The following PREPL variants were observed in gnomAD, a reference collection of about 807,000 sequenced individuals.
PREPL encodes prolyl endopeptidase-like.
PREPL carries 77 observed loss-of-function variants against 70.6 expected under a neutral mutation model. The observed-to-expected ratio is 1.09, with a 90% CI of 0.91 to 1.32. PREPL has a LOEUF of 1.32. PREPL is among the 40% of genes most tolerant of loss of function. The pLI, the probability that PREPL is intolerant of heterozygous loss-of-function variation, is 0.00. For synonymous variants in PREPL, 315 were observed against 264.8 expected (o/e 1.19, Z -1.84); for missense variants, 1,002 against 778.2 (o/e 1.29, Z -3.42).
At chr2:44,353,838 C>A (rs530364850) in intron 1 of PREPL, among the ~76,000 whole-genome samples, 4 of 152,102 alleles carry the variant, frequency 2.6e-5, no homozygotes, top group Admixed American at 1.3e-4. Flanking sequence ...GTACCCCAAT[C>A]CCTTGCACTA....
At chr2:44,342,631 A>G in intron 4 of PREPL, 79 bp from the exon 5 acceptor site, 1 of 1,146,474 alleles carries the variant, frequency 8.7e-7, no homozygotes, top group South Asian at 1.5e-5. Context: ...GCACATTCTA[A>G]TTTTGAATGC....
At chr2:44,325,972 G>A (rs150925432) in intron 10 of PREPL, among the ~76,000 whole-genome samples, 15 of 152,228 alleles carry the variant, frequency 9.9e-5, no homozygotes, top group African/African-American at 1.7e-4. Flanking sequence ...ATGCCCAAAC[G>A]ACCATTAAGA....
intron 7 of PREPL, among the ~76,000 whole-genome samples, chr2:44,333,548 T>G (rs1202379024): frequency 6.6e-6 from 1 of 152,080 alleles, no homozygotes; most frequent in African/African-American, 2.4e-5. Flanking sequence ...AGCCGGGGAT[T>G]TGTGCGTAAA....
intron 1 of PREPL, among the ~76,000 whole-genome samples, chr2:44,348,037 C>G (rs1022082336): frequency 3.9e-5 from 6 of 152,058 alleles, no homozygotes; most frequent in African/African-American, 1.4e-4. Context: ...CATTTAGCCT[C>G]TACTTACTAT....
chr2:44,321,607 A>C (rs972792240), intron 13 of PREPL, 162 bp from the exon 14 acceptor site: 2 of 1,480,386 alleles, frequency 1.4e-6, no homozygotes, highest in African/African-American at 2.8e-5. Flanking sequence ...CCAACAATTA[A>C]GATTAAATTA....
chr2:44,327,957 C>T (rs1415356430), intron 9 of PREPL, among the ~76,000 whole-genome samples: 1 of 151,820 alleles, frequency 6.6e-6, no homozygotes, highest in Non-Finnish European at 1.5e-5. Flanking sequence ...CGAGACCAGC[C>T]TGGGCAACAT....
chr2:44,323,458 A>G (rs2103698332), intron 10 of PREPL, 47 bp from the exon 11 acceptor site: 1 of 1,446,818 alleles, frequency 6.9e-7, no homozygotes, highest in East Asian at 2.3e-5. Context: ...GAGGTTGGTA[A>G]GTGAGTTTCA....
chr2:44,339,311 T>C lies in PREPL; in HGVS notation c.538A>G (p.Ile180Val), dbSNP rs1266141014. The change falls in exon 6 of 14, where the codon ATT (isoleucine) becomes GTT (valine). Residue 180 changes from isoleucine to valine, a missense_variant. By Grantham distance (29) the Ile-to-Val change is conservative (BLOSUM62 3). Coordinates refer to ENST00000409411, the MANE Select transcript of PREPL (RefSeq NM_001171613.2). Reference protein sequence around the residue: ...TKDSRFLTINIMNKTTSEVWL... With the variant: ...TKDSRFLTINVMNKTTSEVWL... The stretch of plus-strand genomic sequence containing the variant: ...ACTTCAGAAGTAGTCTTGTTCATAA[T>C]ATTTATGGTGAGGAAACGACTGTCT... The C allele has an allele frequency of 2.5e-6, 4 of 1,613,870 alleles. No individual in the cohort carries two copies. The highest frequency in any genetic ancestry group is 2.5e-6 in the Non-Finnish European group (3 of 1,179,984).
chr2:44,344,290 C>T (rs1675543174), intron 3 of PREPL, among the ~76,000 whole-genome samples: 1 of 152,056 alleles, frequency 6.6e-6, no homozygotes, highest in Non-Finnish European at 1.5e-5. Flanking sequence ...GTACCCAAGA[C>T]ACAGCAGATG....
In PREPL at chr2:44,346,457, A is replaced by G. The variant is rs1270048523; in HGVS notation, c.-48-67T>C. ...GAAAAAAAACTTTTGCTTTTTAAAG[A>G]TAAGTAGGTCTATACCGTAGACTTA... On this transcript the variant is annotated intron_variant, in intron 1 of 13. Transcript: ENST00000409411. The G allele has an allele frequency of 5.5e-6, 8 of 1,447,334 alleles. No homozygotes were observed. The East Asian group carries it at 6.8e-5, about 12-fold the overall frequency. The allele number at this position is 1,447,334 out of a possible 1,614,324, so 89.7% of individuals were successfully genotyped here. A position where few individuals can be genotyped will look rare whatever the true frequency, so the allele number is the denominator to read the frequency against.
rs547565233 is a variant in PREPL at position 44,329,666 on chromosome 2, A to T, written c.1087-554T>A. ...CCTCTTCAAAGGCCCATTTAACTTT[A>T]TTAAAAAAAATTTAAAGTGGTCTTA... On this transcript the variant is annotated intron_variant, in intron 8 of 13. Coordinates refer to ENST00000409411, the MANE Select transcript of PREPL (RefSeq NM_001171613.2). 3.9e-5 allele frequency among the ~76,000 whole-genome samples: 6 copies of T among 152,308 alleles called. No homozygotes were observed. In the East Asian group the frequency reaches 7.7e-4, roughly 20 times the overall value.
chr2:44,328,156 G>A (rs1293997412), intron 9 of PREPL, among the ~76,000 whole-genome samples: 3 of 151,192 alleles, frequency 2.0e-5, no homozygotes, highest in Non-Finnish European at 2.9e-5. Flanking sequence ...AGTTATGGCA[G>A]GCACCTGTAA....
Position 44,326,676 on chromosome 2 carries a change from C to T in PREPL, c.1479+36G>A, listed in dbSNP as rs1186332336. The T allele has an allele frequency of 3.8e-6, 6 of 1,586,784 alleles. No individual in the cohort carries two copies. In the South Asian group the frequency reaches 4.4e-5, roughly 12 times the overall value. On this transcript the variant is annotated intron_variant, in intron 10 of 13. Transcript: ENST00000409411. The stretch of plus-strand genomic sequence containing the variant: ...GAGTAGCCTATGGCTTCACACCTCC[C>T]CCATTCTATAAACAGTAGAGACAGA...
chr2:44,357,100 C>A (rs1415098266), intron 1 of PREPL, among the ~76,000 whole-genome samples: 1 of 152,240 alleles, frequency 6.6e-6, no homozygotes, highest in Non-Finnish European at 1.5e-5. Flanking sequence ...GCCAGTATGC[C>A]TGATCAGAAC....
At chr2:44,345,376 G>C (rs1675685817) in intron 2 of PREPL, among the ~76,000 whole-genome samples, 1 of 151,286 alleles carries the variant, frequency 6.6e-6, no homozygotes. Flanking sequence ...TTTTGAGACA[G>C]AGTCTTGCTC....
chr2:44,344,750 A>T (rs563078133), intron 2 of PREPL, among the ~76,000 whole-genome samples, 164 bp from the exon 3 acceptor site: 1 of 152,374 alleles, frequency 6.6e-6, no homozygotes, highest in South Asian at 2.1e-4. Flanking sequence ...TTTACAATGT[A>T]GTTGATAAGA....
chr2:44,334,229 G>T (rs916826025), intron 7 of PREPL, among the ~76,000 whole-genome samples: 3 of 152,126 alleles, frequency 2.0e-5, no homozygotes, highest in Non-Finnish European at 4.4e-5. Flanking sequence ...AGAGTAAGTA[G>T]GCCAGGAGAT....
At chr2:44,349,535 T>A (rs1676181621) in intron 1 of PREPL, among the ~76,000 whole-genome samples, 1 of 152,002 alleles carries the variant, frequency 6.6e-6, no homozygotes, top group Non-Finnish European at 1.5e-5. Context: ...AAAGAGTAAG[T>A]CTTAAGGAAG....
At chr2:44,356,144 G>A (rs1342330722) in intron 1 of PREPL, 2 of 152,136 alleles carry the variant, frequency 1.3e-5, no homozygotes, top group African/African-American at 4.8e-5. Flanking sequence ...ATTCAATAAG[G>A]TTTAGATCGG....
Sources: allele counts gnomAD v4.1 joint callset (sites outside exome capture counted in the v4.1 genomes callset), GRCh38; gene constraint gnomAD v4.1.1; transcripts MANE v1.5; gene names NCBI Gene and HGNC (gene_info 2026-07-23, HGNC 2026-07-21).